Variants in ZNF385D observed in about 807,000 individuals in gnomAD.
ZNF385D encodes zinc finger protein 659.
Under a neutral mutation model 35.8 loss-of-function variants are expected in ZNF385D, and 15 were observed. The ratio of observed to expected loss-of-function variants is 0.42; its 90% confidence interval spans 0.28 to 0.64. ZNF385D has a LOEUF of 0.64. Ranked by LOEUF, ZNF385D falls within the 30% of genes least tolerant of loss-of-function variation. ZNF385D has a pLI of 0.23. For missense variants in ZNF385D, 474 were observed against 494.6 expected, an observed-to-expected ratio of 0.96 and a Z score of 0.39; for synonymous variants, 212 against 186.8, an observed-to-expected ratio of 1.13 and a Z score of -1.10.
intron 3 of ZNF385D, among the ~76,000 whole-genome samples, chr3:21,817,973 A>G (rs1390064836): frequency 6.6e-6 from 1 of 152,188 alleles, no homozygotes; most frequent in African/African-American, 2.4e-5. Context: ...TTTGGCACAT[A>G]TACACCATGG....
intron 2 of ZNF385D, among the ~76,000 whole-genome samples, chr3:22,306,857 C>T (rs1703253295): frequency 6.6e-6 from 1 of 151,966 alleles, no homozygotes. Context: ...ATATTATATC[C>T]CAGAAGAACT....
chr3:21,886,283 C>T (rs1262966062), intron 3 of ZNF385D, among the ~76,000 whole-genome samples: 1 of 151,904 alleles, frequency 6.6e-6, no homozygotes, highest in Non-Finnish European at 1.5e-5. Context: ...TCCTCTAAGT[C>T]ATAGTATAGA....
chr3:21,483,908 T>A (rs1704828905), intron 4 of ZNF385D, among the ~76,000 whole-genome samples: 1 of 152,162 alleles, frequency 6.6e-6, no homozygotes, highest in African/African-American at 2.4e-5. Flanking sequence ...TTTGATGAAA[T>A]CCAATTTATC....
intron 3 of ZNF385D, among the ~76,000 whole-genome samples, chr3:21,974,923 G>T (rs1211786235): frequency 3.3e-5 from 5 of 152,128 alleles, no homozygotes; most frequent in African/African-American, 1.2e-4. Context: ...AATAGCAAAT[G>T]CTGGCAAGGA....
intron 3 of ZNF385D, among the ~76,000 whole-genome samples, chr3:21,815,915 C>T (rs530360497): frequency 3.9e-5 from 6 of 152,038 alleles, no homozygotes; most frequent in South Asian, 2.1e-4. Flanking sequence ...TGATGAACAT[C>T]GATGCAAAAA....
intron 3 of ZNF385D, among the ~76,000 whole-genome samples, chr3:21,542,594 T>C (rs1362490248): frequency 6.6e-6 from 1 of 152,114 alleles, no homozygotes; most frequent in African/African-American, 2.4e-5. Flanking sequence ...GTGATCCTCT[T>C]ACTTCCACCT....
intron 3 of ZNF385D, among the ~76,000 whole-genome samples, chr3:21,760,602 T>C (rs78587296): frequency 6.6e-6 from 1 of 152,360 alleles, no homozygotes; most frequent in African/African-American, 2.4e-5. Flanking sequence ...TTTTAAACTC[T>C]ATGCACAGAT....
intron 4 of ZNF385D, among the ~76,000 whole-genome samples, chr3:21,496,894 A>G (rs1705938772): frequency 6.6e-6 from 1 of 152,244 alleles, no homozygotes; most frequent in Admixed American, 6.5e-5. Flanking sequence ...TTAAAGGAGC[A>G]TACTTCAAAA....
In ZNF385D at chr3:22,137,306, C is replaced by T. The variant is rs553458125; in HGVS notation, c.325+31511G>A. On this transcript the variant is annotated intron_variant, in intron 3 of 5. Coordinates refer to the ZNF385D transcript ENST00000494108. ...AATCAATAGAAAACGAGGGAATCCTCCCTAACTCATTTTACGAGGCCAGCA... is the reference window on the plus strand; with the variant it reads ...AATCAATAGAAAACGAGGGAATCCTTCCTAACTCATTTTACGAGGCCAGCA... 4.6e-5 allele frequency among the ~76,000 whole-genome samples: 7 copies of T among 152,232 alleles called. No individual in the cohort carries two copies. The East Asian group carries it at 1.4e-3, about 29-fold the overall frequency.
chr3:21,882,411 A>C (rs537943278), intron 3 of ZNF385D, among the ~76,000 whole-genome samples: 223 of 102,144 alleles, frequency 2.2e-3, no homozygotes, highest in Middle Eastern at 0.012. Flanking sequence ...AATATGTTTA[A>C]ATTGAGATAT....
At chr3:22,024,261 A>C (rs1372858297) in intron 3 of ZNF385D, among the ~76,000 whole-genome samples, 1 of 152,068 alleles carries the variant, frequency 6.6e-6, no homozygotes, top group Non-Finnish European at 1.5e-5. Flanking sequence ...CAGATAGCCC[A>C]TTGTGGGATC....
chr3:22,331,259 T>C (rs1210720096), intron 2 of ZNF385D, among the ~76,000 whole-genome samples: 1 of 152,160 alleles, frequency 6.6e-6, no homozygotes, highest in Non-Finnish European at 1.5e-5. Flanking sequence ...TTGCATAGAT[T>C]ACACAGCACA....
At chr3:21,663,352 C>T (rs145437701) in intron 2 of ZNF385D, among the ~76,000 whole-genome samples, 31 of 152,146 alleles carry the variant, frequency 2.0e-4, no homozygotes, top group African/African-American at 6.7e-4. Context: ...GTTTTAAATC[C>T]AGCCTTTTAT....
Position 21,932,973 on chromosome 3 carries a change from T to C in ZNF385D, c.325+235844A>G, listed in dbSNP as rs561283239. ...AGATCGCAAAGCTAGAGCAGGTGTA[T>C]GGCTTTCTCCAAACCTGGCTGGCCA... On this transcript the variant is annotated intron_variant, in intron 3 of 5. Coordinates refer to the ZNF385D transcript ENST00000494108. Among the ~76,000 whole-genome samples the C allele has an allele frequency of 7.9e-5, 12 of 152,264 alleles. 1 individual carries two copies. In the East Asian group the frequency reaches 1.2e-3, roughly 15 times the overall value.
chr3:22,163,653 A>T (rs1706117313), intron 3 of ZNF385D, among the ~76,000 whole-genome samples: 1 of 152,214 alleles, frequency 6.6e-6, no homozygotes, highest in Non-Finnish European at 1.5e-5. Context: ...GCTAAAAATT[A>T]ATCCCATATG....
chr3:21,970,155 A>G (rs901215886), intron 3 of ZNF385D, among the ~76,000 whole-genome samples: 4 of 152,142 alleles, frequency 2.6e-5, no homozygotes, highest in East Asian at 3.9e-4. Context: ...ATTCTTCAAT[A>G]CTCTGACACC....
At chr3:21,663,918 T>TA (rs58884498) in intron 2 of ZNF385D, among the ~76,000 whole-genome samples, 1,729 of 122,796 alleles carry the variant, frequency 0.014, 26 homozygotes, top group African/African-American at 0.032. Flanking sequence ...TATATATATA[T>TA]TTATTTATTT....
In ZNF385D at chr3:21,646,412, TGA is replaced by T. The variant is rs1294602216; in HGVS notation, c.165+18472_165+18473del. On this transcript the variant is annotated intron_variant, in intron 2 of 7. Coordinates refer to ENST00000281523, the MANE Select transcript of ZNF385D (RefSeq NM_024697.3). The surrounding 1 kb of genome is among the most constrained non-coding windows in gnomAD (Gnocchi z 4.3). ...GCTGAGAAAGGTGAAGTAAGTGGAC[TGA>T]GAGCCACAGCTCCCAAGGGCAGTGC... is the stretch of plus-strand genomic sequence containing the variant. 5.3e-5 allele frequency among the ~76,000 whole-genome samples: 8 copies of T among 152,312 alleles called. No individual in the cohort carries two copies. The highest frequency in any genetic ancestry group is 2.0e-4 in the Admixed American group (3 of 15,290).
intron 3 of ZNF385D, among the ~76,000 whole-genome samples, chr3:21,929,032 AG>A (rs1412885739): frequency 6.6e-6 from 1 of 152,186 alleles, no homozygotes; most frequent in Non-Finnish European, 1.5e-5. Context: ...TAGAAAAGAA[AG>A]CTATAATTCA....
Sources: gnomAD v4.1 joint callset for allele counts (sites outside exome capture counted in the v4.1 genomes callset) on GRCh38, gnomAD v4.1.1 for gene constraint, Gnocchi (gnomAD v3.1) non-coding constraint, MANE v1.5 for transcripts, NCBI Gene and HGNC (gene_info 2026-07-23, HGNC 2026-07-21) for gene names.